Variants in ATG3 observed in about 807,000 individuals in gnomAD.
ATG3 encodes the protein ubiquitin-like-conjugating enzyme ATG3.
ATG3 carries 25 observed loss-of-function variants against 50.7 expected under a neutral mutation model. The ratio of observed to expected loss-of-function variants is 0.49; its 90% confidence interval spans 0.36 to 0.69. ATG3 has a LOEUF of 0.69. Among genes scored for constraint, ATG3 ranks in the 30% least tolerant of loss-of-function variants. The pLI is 0.00. For missense variants in ATG3, 281 were observed against 376.0 expected (o/e 0.75, Z 2.09); for synonymous variants, 119 against 125.5 (o/e 0.95, Z 0.34).
rs372098417 is a variant in ATG3 at position 112,544,119 on chromosome 3, C to T, written c.344-13G>A. On this transcript the variant is annotated splice_polypyrimidine_tract_variant and intron_variant, in intron 5 of 11. Transcript: ENST00000283290. ...ATTCCTGTAATACCTATGTAAAATT[C>T]GGCAGAAAAGAATAACTAAAATTAA... 73 of 1,589,862 alleles carry T rather than the reference C, an allele frequency of 4.6e-5. 1 individual carries two copies. Among genetic ancestry groups the T allele is most frequent in the Admixed American group, 1.0e-4 (6 of 59,406 alleles).
chr3:112,533,446 C>T (rs1357004918), intron 11 of ATG3: 3 of 985,104 alleles, frequency 3.0e-6, no homozygotes, highest in Middle Eastern at 5.2e-4. Flanking sequence ...ATGGTTTGGA[C>T]TGGAAGTTTT....
rs1414856922 is a variant in ATG3 at position 112,541,883 on chromosome 3, T to C, written c.395A>G (p.Asp132Gly). The C allele has an allele frequency of 6.2e-7, 1 of 1,606,516 alleles. No homozygotes were observed. Among genetic ancestry groups the C allele is most frequent in the Admixed American group, 1.7e-5 (1 of 59,564 alleles). Residue 132 changes from aspartate to glycine, a missense_variant and splice_region_variant, in exon 7 of 12, where the codon GAC becomes GGC. Transcript: ENST00000283290. ...AVKEITLENK[D>G]NIRLQDCSAL... Reference sequence around the variant, plus strand: ...TGAGCAATCTTGAAGCCTTATATTGTCCTTTGAAATTAATTATATTTAAAA... The same window carrying C: ...TGAGCAATCTTGAAGCCTTATATTGCCCTTTGAAATTAATTATATTTAAAA...
At chr3:112,534,168 A>G in intron 11 of ATG3, 101 bp downstream of exon 11, 2 of 1,507,278 alleles carry the variant, frequency 1.3e-6, no homozygotes, top group Non-Finnish European at 1.8e-6. Context: ...AGAAGTTAAA[A>G]CAAGTTATAG....
chr3:112,552,607 C>G (rs1003949790), intron 3 of ATG3, among the ~76,000 whole-genome samples: 1 of 148,918 alleles, frequency 6.7e-6, no homozygotes, highest in Non-Finnish European at 1.5e-5. Flanking sequence ...CAAACATGTT[C>G]AGTAAATTTT....
At position 112,536,287 on chromosome 3, in the gene ATG3, G is replaced by GT. The variant is rs1227868870; in HGVS notation, c.794+187dup. On this transcript the variant is annotated intron_variant, in intron 10 of 11. Coordinates refer to ENST00000283290, the MANE Select transcript of ATG3 (RefSeq NM_022488.5). Reference sequence around the variant, plus strand: ...AACATATTAAACTTAAAACAAATTGGTAAGTTTTTTTTCCTTTTTCTTATA... The same window carrying GT: ...AACATATTAAACTTAAAACAAATTGGTTAAGTTTTTTTTCCTTTTTCTTATA... 31 of 595,416 alleles carry GT rather than the reference G, an allele frequency of 5.2e-5. No homozygotes were observed. The East Asian group carries it at 7.3e-4, about 14-fold the overall frequency. The allele number at this position is 595,416 out of a possible 1,614,324, so 36.9% of individuals were successfully genotyped here. A position where few individuals can be genotyped will look rare whatever the true frequency, so the allele number is the denominator to read the frequency against.
Position 112,534,346 on chromosome 3 carries a change from C to A in ATG3, c.795-9G>T, listed in dbSNP as rs201448805. On this transcript the variant is annotated splice_polypyrimidine_tract_variant and intron_variant, in intron 10 of 11. Transcript: ENST00000283290. ...TCATCACCTCAGCATGCCTAGAAGCCAAAAAAAAAAAAAATTGTTAATGTA... is the reference window on the plus strand; with the variant it reads ...TCATCACCTCAGCATGCCTAGAAGCAAAAAAAAAAAAAAATTGTTAATGTA... The A allele has an allele frequency of 1.4e-3, 1,795 of 1,278,070 alleles. 2 individuals carry two copies. Among genetic ancestry groups the A allele is most frequent in the South Asian group, 5.2e-3 (303 of 58,414 alleles). 79.2% of individuals were successfully genotyped at this position (1,278,070 alleles called of 1,614,324 possible).
intron 2 of ATG3, among the ~76,000 whole-genome samples, chr3:112,557,632 A>G (rs1213221390): frequency 2.6e-5 from 4 of 152,138 alleles, no homozygotes; most frequent in African/African-American, 7.2e-5. Context: ...AAAAAAATTA[A>G]AAAAACCACA....
rs1932950255 is a variant in ATG3, at chr3:112,534,269, A to C, written c.863T>G (p.Met288Arg). The C allele has an allele frequency of 6.2e-7, 1 of 1,602,380 alleles. No homozygotes were observed. Among genetic ancestry groups the C allele is most frequent in the South Asian group, 1.1e-5 (1 of 88,908 alleles). ...AEGGGELGVHMYLLIFLKFVQ... is the reference protein window; with the variant it reads ...AEGGGELGVHRYLLIFLKFVQ... Reference sequence around the variant, plus strand: ...TAATCTTACATACAGGGAAGGATACATATGAACTCCAAGTTCTCCCCCTCC... The same window carrying C: ...TAATCTTACATACAGGGAAGGATACCTATGAACTCCAAGTTCTCCCCCTCC... The change falls in exon 11 of 12, where the codon ATG (methionine) becomes AGG (arginine). Residue 288 changes from methionine (M) to arginine (R), a missense_variant and splice_region_variant. This residue lies in a region of ATG3 where 242 missense variants were observed against 305.0 expected (regional missense o/e 0.79). Coordinates refer to ENST00000283290, the MANE Select transcript of ATG3 (RefSeq NM_022488.5).
Position 112,549,221 on chromosome 3 carries a change from T to C in ATG3, c.236-581A>G, listed in dbSNP as rs143127714. ...TACAGCAAATGTGTCAATTAACAGG[T>C]ATTATTATTCATAAGCCTAAGATTG... On this transcript the variant is annotated intron_variant, in intron 4 of 11. Transcript: ENST00000283290. Among the ~76,000 whole-genome samples the C allele has an allele frequency of 3.9e-3, 595 of 152,326 alleles. 19 individuals are homozygous for C. The highest frequency in any genetic ancestry group is 0.035 in the Admixed American group (543 of 15,296).
intron 10 of ATG3, chr3:112,536,175 C>G (rs1933039004): frequency 3.5e-6 from 1 of 284,198 alleles, no homozygotes; most frequent in Non-Finnish European, 6.7e-6. Flanking sequence ...ACAGAATCTT[C>G]CAAACTGTTC....
At position 112,548,595 on chromosome 3, in the gene ATG3, A is replaced by C; in HGVS notation, c.281T>G (p.Leu94Trp). The C allele has an allele frequency of 6.2e-7, 1 of 1,614,064 alleles. No homozygotes were observed. The highest frequency in any genetic ancestry group is 8.5e-7 in the Non-Finnish European group (1 of 1,179,986). Residue 94 changes from leucine to tryptophan, a missense_variant, in exon 5 of 12, where the codon TTG (leucine) becomes TGG (tryptophan). Physicochemically the swap from Leu to Trp is moderately conservative, Grantham distance 61. Around this residue, in one of 3 missense-constraint regions of ATG3, gnomAD observed 242 missense variants for 305.0 expected, o/e 0.79. Transcript: ENST00000283290. ...RCKQMEYSDE[L>W]EAIIEEDDGD... ...ATCATCTTCTTCAATGATAGCTTCC[A>C]ATTCATCTGAATATTCCATCTGTTT...
At chr3:112,552,936 G>A (rs988786800) in intron 3 of ATG3, among the ~76,000 whole-genome samples, 12 of 152,058 alleles carry the variant, frequency 7.9e-5, no homozygotes, top group African/African-American at 2.2e-4. Flanking sequence ...GTGAGCCACC[G>A]CGCCCTGCCA....
rs771338345 is a variant in ATG3, at chr3:112,541,851, A to T, written c.427T>A (p.Cys143Ser). The T allele has an allele frequency of 6.2e-7, 1 of 1,612,584 alleles. No homozygotes were observed. The highest frequency in any genetic ancestry group is 2.2e-5 in the East Asian group (1 of 44,794). The change falls in exon 7 of 12, where the codon TGT becomes AGT. Residue 143 changes from cysteine to serine, a missense_variant. Around this residue, in one of 3 missense-constraint regions of ATG3, gnomAD observed 242 missense variants for 305.0 expected, o/e 0.79. Coordinates refer to ENST00000283290, the MANE Select transcript of ATG3 (RefSeq NM_022488.5). ...NIRLQDCSAL[C>S]EEEEDEDEGE... ...TCATCTTCATCTTCTTCCTCTTCAC[A>T]TAGTGCTGAGCAATCTTGAAGCCTT...
chr3:112,557,435 T>C (rs1194200099), intron 2 of ATG3, among the ~76,000 whole-genome samples: 1 of 152,176 alleles, frequency 6.6e-6, no homozygotes, highest in East Asian at 1.9e-4. Context: ...CTGGCCAACA[T>C]GGTGAAACCC....
chr3:112,552,031 CAGG>C (rs1933542682), intron 3 of ATG3, among the ~76,000 whole-genome samples: 1 of 152,088 alleles, frequency 6.6e-6, no homozygotes, highest in Non-Finnish European at 1.5e-5. Context: ...TATTAAAATG[CAGG>C]AGAATACCAG....
intron 3 of ATG3, 59 bp downstream of exon 3, chr3:112,553,221 C>T: frequency 6.9e-7 from 1 of 1,451,192 alleles, no homozygotes; most frequent in Non-Finnish European, 9.6e-7. Context: ...TTGCAAATTG[C>T]TATAATTCTG....
At chr3:112,534,211 C>CAAAA in intron 11 of ATG3, 58 bp downstream of exon 11, 1 of 1,258,564 alleles carries the variant, frequency 7.9e-7, no homozygotes, top group Non-Finnish European at 1.1e-6. Context: ...CTAAATTTCT[C>CAAAA]AAAAAAAAAA....
At chr3:112,537,339 T>C (rs985802072) in intron 9 of ATG3, among the ~76,000 whole-genome samples, 1 of 152,188 alleles carries the variant, frequency 6.6e-6, no homozygotes, top group Non-Finnish European at 1.5e-5. Flanking sequence ...TTTTCTGTCT[T>C]AAGGGGAAAA....
At chr3:112,557,019 TA>T (rs879408492) in intron 2 of ATG3, among the ~76,000 whole-genome samples, 208 of 141,064 alleles carry the variant, frequency 1.5e-3, no homozygotes, top group Middle Eastern at 3.6e-3. Flanking sequence ...AATGATCAAT[TA>T]AAAAAAAAAA....
Sources: gnomAD v4.1 joint callset for allele counts (sites outside exome capture counted in the v4.1 genomes callset) on GRCh38, gnomAD v4.1.1 for gene constraint, gnomAD v4.1.1 regional missense constraint, MANE v1.5 for transcripts, NCBI Gene and HGNC (gene_info 2026-07-23, HGNC 2026-07-21) for gene names.